The following FOXP2 variants were observed in gnomAD, a reference collection of about 807,000 sequenced individuals.
FOXP2 encodes the protein forkhead box protein P2.
A neutral mutation model predicts 115.8 loss-of-function variants in FOXP2; 12 were observed. That is an observed-to-expected ratio of 0.10 (90% CI 0.07 to 0.17). FOXP2 has a LOEUF of 0.17. Ranked by LOEUF, FOXP2 falls within the 10% of genes least tolerant of loss-of-function variation. The pLI is 1.00. For synonymous variants in FOXP2, 328 were observed against 297.7 expected, an observed-to-expected ratio of 1.10 and a Z score of -1.05; for missense variants, 629 against 843.5, an observed-to-expected ratio of 0.75 and a Z score of 3.15.
At chr7:114,185,942 C>T (rs776919) in intron 1 of FOXP2, among the ~76,000 whole-genome samples, 3,979 of 152,058 alleles carry the variant, frequency 0.026, 182 homozygotes, top group African/African-American at 0.088. Flanking sequence ...ATACGGGCAT[C>T]TGGTAAGGGC....
chr7:114,238,303 T>C (rs1231243047), intron 1 of FOXP2, among the ~76,000 whole-genome samples: 2 of 152,100 alleles, frequency 1.3e-5, no homozygotes, highest in African/African-American at 4.8e-5. Flanking sequence ...AAATATTTTT[T>C]CCTTAGGAAA....
At chr7:114,675,844 A>T (rs573622209) in intron 16 of FOXP2, among the ~76,000 whole-genome samples, 2 of 151,924 alleles carry the variant, frequency 1.3e-5, no homozygotes, top group Non-Finnish European at 2.9e-5. Flanking sequence ...AGGACATAAC[A>T]GTATATAAGA....
chr7:114,538,820 T>C (rs1483653823), intron 3 of FOXP2, among the ~76,000 whole-genome samples: 1 of 151,834 alleles, frequency 6.6e-6, no homozygotes, highest in Non-Finnish European at 1.5e-5. Flanking sequence ...TACAAAACAT[T>C]TGTTTATTAA....
intron 2 of FOXP2, among the ~76,000 whole-genome samples, chr7:114,447,952 GA>G (rs919996896): frequency 4.0e-5 from 6 of 151,792 alleles, no homozygotes; most frequent in Non-Finnish European, 7.4e-5. Context: ...TCTAGCAGAT[GA>G]AAAAAAAGTT....
chr7:114,096,282 A>C (rs576734346), intron 1 of FOXP2, among the ~76,000 whole-genome samples: 1 of 152,230 alleles, frequency 6.6e-6, no homozygotes, highest in Non-Finnish European at 1.5e-5. Context: ...GTTACAAAGA[A>C]TGTTTATTCC....
chr7:114,165,291 C>CA (rs1213591052), intron 1 of FOXP2, among the ~76,000 whole-genome samples: 2 of 151,406 alleles, frequency 1.3e-5, no homozygotes, highest in African/African-American at 4.8e-5. Context: ...GGCAAGAAAA[C>CA]AAAAAAAGGA....
intron 1 of FOXP2, among the ~76,000 whole-genome samples, chr7:114,420,451 G>A (rs751088812): frequency 1.3e-5 from 2 of 151,796 alleles, no homozygotes; most frequent in Non-Finnish European, 2.9e-5. Flanking sequence ...AATATTCCTG[G>A]TTGCAGGATT....
chr7:114,351,823 TA>T (rs936426272), intron 2 of FOXP2, among the ~76,000 whole-genome samples: 9 of 152,030 alleles, frequency 5.9e-5, no homozygotes, highest in Non-Finnish European at 1.0e-4. Flanking sequence ...AGCAACATGA[TA>T]AAAAAAGCCC....
intron 2 of FOXP2, among the ~76,000 whole-genome samples, chr7:114,500,986 C>G (rs1797543673): frequency 6.6e-6 from 1 of 152,076 alleles, no homozygotes; most frequent in South Asian, 2.1e-4. Flanking sequence ...TAGGAGGTGA[C>G]TGAGTGAGCT....
intron 3 of FOXP2, among the ~76,000 whole-genome samples, chr7:114,619,447 T>G (rs763371005): frequency 3.9e-5 from 6 of 152,164 alleles, no homozygotes; most frequent in Non-Finnish European, 7.4e-5. Flanking sequence ...ATATTGGATT[T>G]GAAATATGTG....
intron 2 of FOXP2, among the ~76,000 whole-genome samples, chr7:114,355,643 A>C (rs768395528): frequency 6.6e-6 from 1 of 152,110 alleles, no homozygotes; most frequent in Non-Finnish European, 1.5e-5. Context: ...TCATTTATGT[A>C]GTTTAAAAAA....
intron 2 of FOXP2, among the ~76,000 whole-genome samples, 179 bp downstream of exon 2, chr7:114,426,858 G>A (rs955117379): frequency 3.3e-5 from 5 of 151,642 alleles, no homozygotes; most frequent in South Asian, 2.1e-4. Context: ...TATTAGTTAC[G>A]TCATACCAGT....
At chr7:114,528,323 T>A (rs907576207) in intron 2 of FOXP2, among the ~76,000 whole-genome samples, 1 of 152,042 alleles carries the variant, frequency 6.6e-6, no homozygotes, top group Non-Finnish European at 1.5e-5. Context: ...CAACAAAAAA[T>A]AATTTCTTTT....
intron 5 of FOXP2, among the ~76,000 whole-genome samples, chr7:114,630,834 T>C (rs1298845946): frequency 1.6e-4 from 24 of 152,152 alleles, no homozygotes; most frequent in Admixed American, 1.6e-3. Context: ...CAGAAGTTTC[T>C]CTTTTCCCCA....
chr7:114,462,632 A>C (rs1795629003), intron 2 of FOXP2, among the ~76,000 whole-genome samples: 1 of 152,002 alleles, frequency 6.6e-6, no homozygotes, highest in Non-Finnish European at 1.5e-5. Context: ...CAGCCTCCCA[A>C]AGTGCTAGGA....
At chr7:114,090,168 A>G (rs1455398525) in intron 1 of FOXP2, among the ~76,000 whole-genome samples, 1 of 151,914 alleles carries the variant, frequency 6.6e-6, no homozygotes, top group Non-Finnish European at 1.5e-5. Flanking sequence ...ATTAAATTGG[A>G]AAGAGGCCAT....
rs1793466777 is a variant in FOXP2, at chr7:114,181,919, C to T, written c.-102+18831C>T. Among the ~76,000 whole-genome samples, 3 of 151,928 alleles carry T rather than the reference C, an allele frequency of 2.0e-5. 1 individual carries two copies. The South Asian group carries it at 6.2e-4, about 32-fold the overall frequency. On this transcript the variant is annotated intron_variant, in intron 1 of 17. Transcript: ENST00000634411. ...CTTGCTTTGTAATATCTTAAGATGC[C>T]TCTGGTTCTCAAAAAAGGTATGAAG...
chr7:114,129,886 A>G (rs1330182306), intron 1 of FOXP2, among the ~76,000 whole-genome samples: 1 of 152,240 alleles, frequency 6.6e-6, no homozygotes, highest in Non-Finnish European at 1.5e-5. Context: ...AAGATATGCA[A>G]AGGTAGAGAT....
chr7:114,465,262 G>C (rs1005062248), intron 2 of FOXP2, among the ~76,000 whole-genome samples: 9 of 152,122 alleles, frequency 5.9e-5, no homozygotes, highest in African/African-American at 2.2e-4. Context: ...ACAACGTCTA[G>C]CCTTTGTTCT....
Sources: allele counts gnomAD v4.1 joint callset (sites outside exome capture counted in the v4.1 genomes callset), GRCh38; gene constraint gnomAD v4.1.1; transcripts MANE v1.5; gene names NCBI Gene and HGNC (gene_info 2026-07-23, HGNC 2026-07-21).